The following BTF3L4 variants were observed in gnomAD, a reference collection of about 807,000 sequenced individuals.
BTF3L4 encodes transcription factor BTF3 homolog 4.
Under a neutral mutation model 16.8 loss-of-function variants are expected in BTF3L4, and 6 were observed. That is an observed-to-expected ratio of 0.36 (90% CI 0.20 to 0.71). The LOEUF is 0.71. Among genes scored for constraint, BTF3L4 ranks in the 30% least tolerant of loss-of-function variants. The probability of loss-of-function intolerance (pLI) is 0.58; values close to 1 mark genes in which losing one functional copy is unlikely to be tolerated. For missense variants in BTF3L4, 92 were observed against 186.9 expected (o/e 0.49, Z 2.96); for synonymous variants, 39 against 59.8 (o/e 0.65, Z 1.60).
At chr1:52,070,220 A>C (rs1228967497) in intron 3 of BTF3L4, among the ~76,000 whole-genome samples, 1 of 152,034 alleles carries the variant, frequency 6.6e-6, no homozygotes, top group Admixed American at 6.6e-5. Context: ...GTCTAAAAAA[A>C]AAAAAAAACT....
At chr1:52,077,936 T>C (rs1452724046) in intron 3 of BTF3L4, among the ~76,000 whole-genome samples, 1 of 152,192 alleles carries the variant, frequency 6.6e-6, no homozygotes, top group Non-Finnish European at 1.5e-5. Flanking sequence ...GTCAAAACTA[T>C]AGGAAAAGTC....
At chr1:52,083,573 C>G (rs369805791) in intron 4 of BTF3L4, 32 bp downstream of exon 4, 92 of 1,537,750 alleles carry the variant, frequency 6.0e-5, no homozygotes, top group Middle Eastern at 3.4e-4. Context: ...ATCTTTCTCT[C>G]CCCACCTTAC....
intron 2 of BTF3L4, among the ~76,000 whole-genome samples, chr1:52,061,274 A>G (rs944203448): frequency 3.2e-4 from 48 of 152,084 alleles, no homozygotes; most frequent in African/African-American, 1.2e-3. Flanking sequence ...GGATCAGTTG[A>G]GGTCAGGAGT....
chr1:52,083,686 T>G (rs1291996856), intron 4 of BTF3L4, 145 bp downstream of exon 4: 2 of 691,502 alleles, frequency 2.9e-6, no homozygotes, highest in Non-Finnish European at 4.9e-6. Flanking sequence ...TCATAAAATT[T>G]TGAGTTTGTT....
chr1:52,090,128 T>A lies in BTF3L4; in HGVS notation c.*3370T>A, dbSNP rs1644006326. 1 of 152,210 alleles carries A rather than the reference T, an allele frequency of 6.6e-6. No homozygotes were observed. Among genetic ancestry groups the A allele is most frequent in the African/African-American group, 2.4e-5 (1 of 41,452 alleles). 9.4% of individuals were successfully genotyped at this position (152,210 alleles called of 1,614,324 possible). A position where few individuals can be genotyped will look rare whatever the true frequency, so the allele number is the denominator to read the frequency against. On this transcript the variant is annotated 3_prime_UTR_variant, in exon 6 of 6. Transcript: ENST00000313334. ...GTGCACAACTTCGGGAGCCATCACT[T>A]ATTTTTGTTGTGTTCCAGAAGGTGT... is the stretch of plus-strand genomic sequence containing the variant.
At chr1:52,061,055 A>G (rs1409053283) in intron 2 of BTF3L4, among the ~76,000 whole-genome samples, 2 of 152,222 alleles carry the variant, frequency 1.3e-5, no homozygotes, top group African/African-American at 4.8e-5. Context: ...TCTGCTTGGG[A>G]GAGAGATGCT....
rs1353921170 is a variant in BTF3L4 at position 52,059,374 on chromosome 1, C to A, written c.-13-461C>A. Among the ~76,000 whole-genome samples the A allele has an allele frequency of 2.0e-5, 3 of 151,912 alleles. No individual in the cohort carries two copies. In the East Asian group the frequency reaches 5.8e-4, roughly 29 times the overall value. On this transcript the variant is annotated intron_variant, in intron 1 of 5. Coordinates refer to ENST00000313334, the MANE Select transcript of BTF3L4 (RefSeq NM_152265.5). ...TTCAGCTTTTTTTTCCTTTTGTCAT[C>A]TTTATGGTTTATAAGAAATACAGAA...
chr1:52,056,999 G>A (rs1686382466), intron 1 of BTF3L4, among the ~76,000 whole-genome samples: 1 of 152,146 alleles, frequency 6.6e-6, no homozygotes, highest in Admixed American at 6.6e-5. Context: ...CCTCGGGAGT[G>A]GTAACAATAG....
intron 3 of BTF3L4, chr1:52,065,142 A>C (rs1030565068): frequency 2.6e-5 from 9 of 342,162 alleles, no homozygotes; most frequent in Non-Finnish European, 4.8e-5. Flanking sequence ...GATTTTCATC[A>C]TACTTTTCAA....
intron 3 of BTF3L4, among the ~76,000 whole-genome samples, chr1:52,075,824 C>T (rs1041410944): frequency 1.3e-5 from 2 of 151,816 alleles, no homozygotes; most frequent in Non-Finnish European, 2.9e-5. Context: ...CCACCACACC[C>T]AGCTAATTTT....
intron 3 of BTF3L4, among the ~76,000 whole-genome samples, chr1:52,073,493 T>TACACACACACACACACACACACAC (rs142147737): frequency 7.2e-6 from 1 of 139,272 alleles, no homozygotes; most frequent in African/African-American, 2.7e-5. Context: ...ATATGCTACA[T>TACACACACACACACACACACACAC]ACACACACAC....
intron 3 of BTF3L4, among the ~76,000 whole-genome samples, chr1:52,071,597 A>G (rs903833908): frequency 1.3e-5 from 2 of 152,194 alleles, no homozygotes; most frequent in Non-Finnish European, 2.9e-5. Flanking sequence ...GTTCTGCAGT[A>G]AGTTAGCTAT....
chr1:52,082,963 T>C (rs1400972988), intron 3 of BTF3L4, among the ~76,000 whole-genome samples: 1 of 152,168 alleles, frequency 6.6e-6, no homozygotes, highest in Non-Finnish European at 1.5e-5. Context: ...AAGTGGAAAT[T>C]GCACTGATTT....
chr1:52,084,608 A>G (rs3015306), intron 4 of BTF3L4, among the ~76,000 whole-genome samples: 11,884 of 152,062 alleles, frequency 0.078, 1,330 homozygotes, highest in African/African-American at 0.24. Flanking sequence ...CCTGGGCAAC[A>G]TGGTGAGACC....
chr1:52,060,711 A>T, intron 2 of BTF3L4: 1 of 764,024 alleles, frequency 1.3e-6, no homozygotes, highest in Non-Finnish European at 1.6e-6. Flanking sequence ...ATTTACACTG[A>T]TGATAACCAC....
At chr1:52,058,774 T>C (rs919914807) in intron 1 of BTF3L4, among the ~76,000 whole-genome samples, 2 of 152,162 alleles carry the variant, frequency 1.3e-5, no homozygotes, top group African/African-American at 4.8e-5. Flanking sequence ...GCTAATTTTG[T>C]ATTTTTAGTA....
chr1:52,063,299 A>G (rs1373655064), intron 2 of BTF3L4, among the ~76,000 whole-genome samples: 2 of 152,198 alleles, frequency 1.3e-5, no homozygotes, highest in Non-Finnish European at 2.9e-5. Flanking sequence ...GCTTTAAGAC[A>G]TATTGAATTT....
intron 3 of BTF3L4, among the ~76,000 whole-genome samples, chr1:52,081,679 T>C (rs1429297552): frequency 6.6e-6 from 1 of 152,222 alleles, no homozygotes; most frequent in Non-Finnish European, 1.5e-5. Flanking sequence ...CACAGTGCTG[T>C]GTTTTTAGAA....
chr1:52,070,363 A>G (rs1686756553), intron 3 of BTF3L4, among the ~76,000 whole-genome samples: 1 of 151,240 alleles, frequency 6.6e-6, no homozygotes, highest in South Asian at 2.1e-4. Flanking sequence ...ATTTGGTATA[A>G]TAAATTATAT....
Sources: gnomAD v4.1 joint callset for allele counts (sites outside exome capture counted in the v4.1 genomes callset) on GRCh38, gnomAD v4.1.1 for gene constraint, MANE v1.5 for transcripts, NCBI Gene and HGNC (gene_info 2026-07-23, HGNC 2026-07-21) for gene names.